Variants in UVSSA observed in about 807,000 individuals in gnomAD.
The protein encoded by UVSSA is UV stimulated scaffold protein A.
In UVSSA, 72 loss-of-function variants were observed where a neutral mutation model predicts 73.9. That is an observed-to-expected ratio of 0.97 (90% CI 0.81 to 1.19). UVSSA has a LOEUF of 1.19. Ranked by LOEUF, UVSSA falls within the 50% of genes most tolerant of loss-of-function variation. UVSSA has a pLI of 0.00. For missense variants in UVSSA, 1,150 were observed against 965.0 expected (o/e 1.19, Z -2.54); for synonymous variants, 454 against 391.3 (o/e 1.16, Z -1.89).
chr4:1,357,397 C>T (rs1428035500), intron 7 of UVSSA, among the ~76,000 whole-genome samples: 1 of 152,266 alleles, frequency 6.6e-6, no homozygotes, highest in Non-Finnish European at 1.5e-5. Flanking sequence ...GCAGTGGAAC[C>T]TTCTGGAATG....
intron 4 of UVSSA, 94 bp from the exon 5 acceptor site, chr4:1,352,936 C>T: frequency 2.0e-6 from 3 of 1,487,560 alleles, no homozygotes; most frequent in East Asian, 2.3e-5. Flanking sequence ...AAAAGTGACA[C>T]CCTGCGGGGA....
chr4:1,381,310 T>G (rs888758456), intron 12 of UVSSA, among the ~76,000 whole-genome samples: 6 of 152,202 alleles, frequency 3.9e-5, no homozygotes, highest in African/African-American at 1.4e-4. Context: ...TTCAGGCAGG[T>G]GAAGGCCTTA....
chr4:1,360,348 C>G (rs532310734), intron 7 of UVSSA, among the ~76,000 whole-genome samples: 1 of 152,230 alleles, frequency 6.6e-6, no homozygotes, highest in South Asian at 2.1e-4. Context: ...AAACACAGGG[C>G]GCTTGCCAGA....
chr4:1,383,520 G>A (rs1262852269), intron 12 of UVSSA, among the ~76,000 whole-genome samples: 4 of 152,178 alleles, frequency 2.6e-5, no homozygotes, highest in African/African-American at 9.6e-5. Context: ...GGTGTGGGGC[G>A]GTGGGGGCAA....
chr4:1,390,347 G>A (rs964051780), downstream of UVSSA: 4 of 152,296 alleles, frequency 2.6e-5, no homozygotes, highest in African/African-American at 9.6e-5. Flanking sequence ...CTCCCAGGCT[G>A]GAGTGCAGTG....
At chr4:1,381,582 T>C (rs1264160918) in intron 12 of UVSSA, among the ~76,000 whole-genome samples, 4 of 151,656 alleles carry the variant, frequency 2.6e-5, no homozygotes, top group Non-Finnish European at 5.9e-5. Flanking sequence ...CTGCCTCCCC[T>C]CGGGCCCATC....
In UVSSA at chr4:1,380,039, G is replaced by A; in HGVS notation, c.1569-8G>A. ...AGATGCTATGAGGGCCTCTGGCTGT[G>A]TCTGCAGGTCTGACTCCCAGCACCG... On this transcript the variant is annotated splice_polypyrimidine_tract_variant and splice_region_variant and intron_variant, in intron 10 of 13. Coordinates refer to ENST00000389851, the MANE Select transcript of UVSSA (RefSeq NM_020894.4). 1 of 1,596,030 alleles carries A rather than the reference G, an allele frequency of 6.3e-7. No individual in the cohort carries two copies. The highest frequency in any genetic ancestry group is 8.5e-7 in the Non-Finnish European group (1 of 1,170,890).
In UVSSA at chr4:1,353,184, G is replaced by A. The variant is rs775470552; in HGVS notation, c.705G>A (p.Val235=). ...DALRSSCAGQ[V]GPCRSGTPDP... Reference sequence around the variant, plus strand: ...TTCGCTCCTCCTGCGCGGGCCAGGTGGGCCCCTGCCGGTCTGGCACCCCTG... The same window carrying A: ...TTCGCTCCTCCTGCGCGGGCCAGGTAGGCCCCTGCCGGTCTGGCACCCCTG... The change falls in exon 5 of 14, where the codon GTG becomes GTA. Residue 235 remains valine (V), a synonymous_variant. Transcript: ENST00000389851. The A allele has an allele frequency of 1.3e-5, 21 of 1,612,650 alleles. No individual in the cohort carries two copies. The highest frequency in any genetic ancestry group is 1.8e-5 in the Non-Finnish European group (21 of 1,179,984).
upstream of UVSSA, among the ~76,000 whole-genome samples, chr4:1,345,887 C>T (rs750454862): frequency 7.9e-5 from 12 of 152,108 alleles, no homozygotes; most frequent in Non-Finnish European, 1.6e-4. Flanking sequence ...AAAAAAACCA[C>T]GCTGTAGAAG....
At chr4:1,385,494 A>G (rs1249855603) in intron 13 of UVSSA, 2 of 299,466 alleles carry the variant, frequency 6.7e-6, no homozygotes, top group South Asian at 3.5e-5. Flanking sequence ...GGCTGTCCTG[A>G]CGCCTCCTGG....
chr4:1,361,168 T>C (rs1716571088), intron 7 of UVSSA, among the ~76,000 whole-genome samples: 1 of 152,214 alleles, frequency 6.6e-6, no homozygotes. Context: ...AGGTATCTTG[T>C]GAACCTGAGG....
chr4:1,345,648 A>C, upstream of UVSSA, among the ~76,000 whole-genome samples: 1 of 58,934 alleles, frequency 1.7e-5, no homozygotes, highest in East Asian at 2.5e-4. Context: ...TTGTCTCAAA[A>C]AAAAAAAAAA....
exon 14 of UVSSA, chr4:1,394,511 T>TATG: frequency 6.2e-7 from 1 of 1,608,354 alleles, no homozygotes; most frequent in Non-Finnish European, 8.5e-7. Flanking sequence ...CTGCACCTCT[T>TATG]ATGCATGAGC....
At position 1,348,197 on chromosome 4, in the gene UVSSA, T is replaced by G. The variant is rs747994631; in HGVS notation, c.98+8T>G. On this transcript the variant is annotated splice_region_variant and intron_variant, in intron 2 of 13. Coordinates refer to ENST00000389851, the MANE Select transcript of UVSSA (RefSeq NM_020894.4). ...ACTGAAGAAAATTTGCAAGTATGTCTTAGGGTTCAGTAACAGTAACTGACT... is the reference window on the plus strand; with the variant it reads ...ACTGAAGAAAATTTGCAAGTATGTCGTAGGGTTCAGTAACAGTAACTGACT... The G allele has an allele frequency of 6.2e-7, 1 of 1,606,802 alleles. No individual in the cohort carries two copies. The highest frequency in any genetic ancestry group is 2.2e-5 in the East Asian group (1 of 44,852).
rs1718632605 is a variant in UVSSA at position 1,375,358 on chromosome 4, T to C, written c.1289-6T>C. On this transcript the variant is annotated splice_polypyrimidine_tract_variant and splice_region_variant and intron_variant, in intron 8 of 13. Transcript: ENST00000389851. Reference sequence around the variant, plus strand: ...GTGGCAGGGAGTGGACACGTGTCTGTTTCAGGGCTGGAGGCAGCACCAGAG... The same window carrying C: ...GTGGCAGGGAGTGGACACGTGTCTGCTTCAGGGCTGGAGGCAGCACCAGAG... 1.2e-6 allele frequency: 2 copies of C among 1,612,944 alleles called. No individual in the cohort carries two copies. Among genetic ancestry groups the C allele is most frequent in the South Asian group, 2.2e-5 (2 of 91,042 alleles).
chr4:1,366,495 C>T (rs1175975294), intron 8 of UVSSA, 64 bp downstream of exon 8: 22 of 1,310,490 alleles, frequency 1.7e-5, no homozygotes, highest in East Asian at 2.4e-5. Flanking sequence ...GATGTGGCCC[C>T]TTGGGGTCAT....
intron 8 of UVSSA, among the ~76,000 whole-genome samples, chr4:1,366,766 C>A (rs1717384419): frequency 6.6e-6 from 1 of 152,194 alleles, no homozygotes; most frequent in South Asian, 2.1e-4. Context: ...ACAGGGGCCA[C>A]CATCCTACCC....
rs924754713 is a variant in UVSSA, at chr4:1,366,321, CAG to C, written c.1180_1181del (p.Glu394SerfsTer9). 3.7e-6 allele frequency: 6 copies of C among 1,609,502 alleles called. No homozygotes were observed. Among genetic ancestry groups the C allele is most frequent in the African/African-American group, 1.3e-5 (1 of 74,764 alleles). ...TTGTATTGGGGTGTTTTTCCACAGA[CAG>C]AAGCCCTGGGGGATGCGGAGGAAGA... On this transcript the variant is annotated frameshift_variant and splice_region_variant, in exon 8 of 14. Coordinates refer to ENST00000389851, the MANE Select transcript of UVSSA (RefSeq NM_020894.4). LOFTEE classifies it high-confidence loss of function.
rs751182595 is a variant in UVSSA, at chr4:1,349,644, C to T, written c.219C>T (p.His73=). The T allele has an allele frequency of 1.2e-6, 2 of 1,614,084 alleles. No individual in the cohort carries two copies. Among genetic ancestry groups the T allele is most frequent in the East Asian group, 2.2e-5 (1 of 44,876 alleles). ...TGGAGGAACTCTTCGTCAGGTCTCACCAGTTCCGGATGCTGGTTGTTTCCA... is the reference window on the plus strand; with the variant it reads ...TGGAGGAACTCTTCGTCAGGTCTCATCAGTTCCGGATGCTGGTTGTTTCCA... ...QIVEELFVRS[H]QFRMLVVSNF... The change falls in exon 3 of 14, where the codon CAC becomes CAT. Residue 73 remains histidine, a synonymous_variant. Transcript: ENST00000389851.
Sources: gnomAD v4.1 joint callset for allele counts (sites outside exome capture counted in the v4.1 genomes callset) on GRCh38, gnomAD v4.1.1 for gene constraint, MANE v1.5 for transcripts, NCBI Gene and HGNC (gene_info 2026-07-23, HGNC 2026-07-21) for gene names.